TJP3: variants seen among roughly 807,000 people sequenced by gnomAD.
The protein encoded by TJP3 is tight junction protein ZO-3.
Under a neutral mutation model 104.2 loss-of-function variants are expected in TJP3, and 85 were observed. The ratio of observed to expected loss-of-function variants is 0.82; its 90% confidence interval spans 0.68 to 0.98. The LOEUF (loss-of-function observed/expected upper bound fraction) is 0.98. TJP3 is among the 50% of genes least tolerant of loss of function. TJP3 has a pLI of 0.00. For missense variants in TJP3, 1,367 were observed against 1,322.8 expected (o/e 1.03, Z -0.52); for synonymous variants, 550 against 550.6 (o/e 1.00, Z 0.02).
intron 7 of TJP3, 124 bp downstream of exon 7, chr19:3,734,036 T>A: frequency 7.6e-7 from 1 of 1,323,706 alleles, no homozygotes; most frequent in Non-Finnish European, 1.0e-6. Context: ...TGACAGGAAC[T>A]TGCTGAAGGC....
intron 18 of TJP3, among the ~76,000 whole-genome samples, chr19:3,747,210 G>A (rs1231537539): frequency 1.3e-5 from 2 of 151,904 alleles, no homozygotes; most frequent in Admixed American, 6.6e-5. Flanking sequence ...ACAGGCGAGC[G>A]CTACCAGGCC....
At chr19:3,722,530 C>T (rs1412160392) in intron 1 of TJP3, among the ~76,000 whole-genome samples, 1 of 128,496 alleles carries the variant, frequency 7.8e-6, no homozygotes, top group Non-Finnish European at 1.5e-5. Context: ...CATTACCAGG[C>T]AGAGGCAGGG....
Position 3,740,139 on chromosome 19 carries a change from T to G in TJP3, c.1632-413T>G, listed in dbSNP as rs7251742. 9.5e-4 allele frequency among the ~76,000 whole-genome samples: 143 copies of G among 150,968 alleles called. 2 individuals are homozygous for G. Among genetic ancestry groups the G allele is most frequent in the African/African-American group, 3.3e-3 (137 of 41,076 alleles). ...CCCAGCTACTTGGGAGGCTGAGGCA[T>G]GAGAATCGCTTGAACCTGGGAGGCG... is the stretch of plus-strand genomic sequence containing the variant. On this transcript the variant is annotated intron_variant, in intron 13 of 20. Transcript: ENST00000541714.
At chr19:3,737,801 T>G (rs1164247106) in intron 11 of TJP3, among the ~76,000 whole-genome samples, 1 of 152,212 alleles carries the variant, frequency 6.6e-6, no homozygotes, top group Non-Finnish European at 1.5e-5. Context: ...ATTTTGCTTG[T>G]GGGATTCTAA....
chr19:3,737,497 A>G (rs1325068590), intron 11 of TJP3, among the ~76,000 whole-genome samples: 1 of 151,962 alleles, frequency 6.6e-6, no homozygotes, highest in Middle Eastern at 3.2e-3. Flanking sequence ...TCCTGCCTTC[A>G]TGACAGTGTC....
In TJP3 at chr19:3,736,416, C is replaced by T; in HGVS notation, c.1284+95C>T. On this transcript the variant is annotated intron_variant, in intron 11 of 20. Coordinates refer to ENST00000541714, the MANE Select transcript of TJP3 (RefSeq NM_001267560.2). ...GTTCCAGTCCTCCCCTTGGGTCCAC[C>T]TGGGGACTGTCGAGACCCCAGATGG... 9.2e-6 allele frequency: 12 copies of T among 1,303,966 alleles called. No individual in the cohort carries two copies. In the South Asian group the frequency reaches 1.9e-4, roughly 21 times the overall value. The allele number at this position is 1,303,966 out of a possible 1,614,324, so 80.8% of individuals were successfully genotyped here.
rs140463574 is a variant in TJP3 at position 3,747,802 on chromosome 19, C to T, written c.2331C>T (p.Gly777=). The part of the protein sequence containing the change: ...PIWTAEDQLD[G]SLEDNLDLPH... ...CCACACCCACCCCACAGCTGGATGG[C>T]TCCTTGGAGGACAACCTAGACCTCC... Residue 777 remains glycine (G), a synonymous_variant, in exon 19 of 21, where the codon GGC becomes GGT. Coordinates refer to ENST00000541714, the MANE Select transcript of TJP3 (RefSeq NM_001267560.2). 2.8e-4 allele frequency: 442 copies of T among 1,592,200 alleles called. 1 individual carries two copies. The highest frequency in any genetic ancestry group is 1.1e-4 in the Non-Finnish European group (132 of 1,172,276).
At chr19:3,711,822 G>A (rs561573235) in intron 1 of TJP3, among the ~76,000 whole-genome samples, 4 of 151,444 alleles carry the variant, frequency 2.6e-5, no homozygotes, top group Admixed American at 2.6e-4. Flanking sequence ...CTATACAGAG[G>A]GGAATTAATT....
intron 1 of TJP3, chr19:3,721,777 C>G: frequency 2.0e-6 from 1 of 490,834 alleles, no homozygotes; most frequent in Non-Finnish European, 3.2e-6. Flanking sequence ...GACGAGAGCC[C>G]GGCCCTCAGC....
At chr19:3,743,119 C>T (rs1599162017) in intron 14 of TJP3, among the ~76,000 whole-genome samples, 1 of 151,938 alleles carries the variant, frequency 6.6e-6, no homozygotes, top group Admixed American at 6.6e-5. Context: ...CAAAAATTAG[C>T]CAGGCATGGT....
Position 3,733,756 on chromosome 19 carries a change from A to G in TJP3, c.721A>G (p.Asn241Asp), listed in dbSNP as rs1317075719. Residue 241 changes from asparagine (N) to aspartate (D), a missense_variant, in exon 7 of 21, where the codon AAC becomes GAC. Coordinates refer to ENST00000541714, the MANE Select transcript of TJP3 (RefSeq NM_001267560.2). ...TTTCATTCCTGGTCCCTTTCAGATCAACGGGGTGTCTAGCCAGAACCTGTC... is the reference window on the plus strand; with the variant it reads ...TTTCATTCCTGGTCCCTTTCAGATCGACGGGGTGTCTAGCCAGAACCTGTC... Reference protein sequence around the residue: ...LQEGDLILQINGVSSQNLSLN... With the variant: ...LQEGDLILQIDGVSSQNLSLN... 1 of 1,614,180 alleles carries G rather than the reference A, an allele frequency of 6.2e-7. No individual in the cohort carries two copies. Among genetic ancestry groups the G allele is most frequent in the Non-Finnish European group, 8.5e-7 (1 of 1,180,018 alleles).
chr19:3,731,584 G>C (rs2036671775), intron 5 of TJP3, among the ~76,000 whole-genome samples: 2 of 152,070 alleles, frequency 1.3e-5, no homozygotes, highest in Non-Finnish European at 2.9e-5. Flanking sequence ...AGTGACCTGA[G>C]ATTTTGCCAC....
intron 15 of TJP3, among the ~76,000 whole-genome samples, chr19:3,744,714 G>A (rs1219976465): frequency 6.6e-6 from 1 of 151,710 alleles, no homozygotes; most frequent in Admixed American, 6.6e-5. Flanking sequence ...GGGCGCAGTG[G>A]TCAGGAGTTC....
intron 15 of TJP3, among the ~76,000 whole-genome samples, chr19:3,745,379 G>A (rs1443401278): frequency 6.6e-6 from 1 of 151,902 alleles, no homozygotes; most frequent in Non-Finnish European, 1.5e-5. Context: ...TCTGACCTCA[G>A]GTGATCTACC....
intron 13 of TJP3, among the ~76,000 whole-genome samples, chr19:3,739,661 T>C (rs974936443): frequency 6.6e-6 from 1 of 152,160 alleles, no homozygotes; most frequent in African/African-American, 2.4e-5. Flanking sequence ...ACACATCCTC[T>C]TACAGTTCTG....
rs1374535044 is a variant in TJP3 at position 3,747,983 on chromosome 19, C to T, written c.2512C>T (p.Pro838Ser). Residue 838 changes from proline (P) to serine (S), a missense_variant, in exon 19 of 21, where the codon CCG (proline) becomes TCG (serine). Transcript: ENST00000541714. ...GPYTDVDDEPPAPALARSSEP... is the reference protein window; with the variant it reads ...GPYTDVDDEPSAPALARSSEP... Reference sequence around the variant, plus strand: ...CTACACGGATGTGGATGATGAGCCCCCGGCTCCAGCCCTGGCCCGGTCCTC... The same window carrying T: ...CTACACGGATGTGGATGATGAGCCCTCGGCTCCAGCCCTGGCCCGGTCCTC... 1 of 1,611,996 alleles carries T rather than the reference C, an allele frequency of 6.2e-7. No individual in the cohort carries two copies. The highest frequency in any genetic ancestry group is 1.3e-5 in the African/African-American group (1 of 74,932).
chr19:3,719,056 C>A (rs911363617), intron 1 of TJP3, among the ~76,000 whole-genome samples: 2 of 151,430 alleles, frequency 1.3e-5, no homozygotes, highest in African/African-American at 4.9e-5. Context: ...TGGTGGCCGG[C>A]GCCTGTAGTC....
intron 8 of TJP3, 69 bp downstream of exon 8, chr19:3,734,504 G>T: frequency 1.4e-6 from 2 of 1,408,242 alleles, no homozygotes; most frequent in Middle Eastern, 1.8e-4. Flanking sequence ...AGGGGAACGC[G>T]GGCGTAGCTT....
At chr19:3,741,062 G>A (rs979751015) in intron 14 of TJP3, among the ~76,000 whole-genome samples, 18 of 151,706 alleles carry the variant, frequency 1.2e-4, no homozygotes, top group African/African-American at 3.6e-4. Context: ...GTGCAATAGC[G>A]TGATCTGAGC....
Sources: gnomAD v4.1 joint callset for allele counts (sites outside exome capture counted in the v4.1 genomes callset) on GRCh38, gnomAD v4.1.1 for gene constraint, MANE v1.5 for transcripts, NCBI Gene and HGNC (gene_info 2026-07-23, HGNC 2026-07-21) for gene names.